The following PACRG variants were observed in gnomAD, a reference collection of about 807,000 sequenced individuals.
PACRG encodes parkin coregulated.
In PACRG, 29 loss-of-function variants were observed where a neutral mutation model predicts 29.7. That is an observed-to-expected ratio of 0.98 (90% confidence interval 0.73 to 1.33). The LOEUF (loss-of-function observed/expected upper bound fraction) is 1.33. Ranked by LOEUF, PACRG falls within the 40% of genes most tolerant of loss-of-function variation. The pLI is 0.00. For synonymous variants in PACRG, 116 were observed against 118.7 expected, an observed-to-expected ratio of 0.98 and a Z score of 0.15; for missense variants, 279 against 316.2, an observed-to-expected ratio of 0.88 and a Z score of 0.89.
intron 2 of PACRG, among the ~76,000 whole-genome samples, chr6:163,012,535 C>G (rs369816395): frequency 1.1e-4 from 17 of 152,344 alleles, no homozygotes; most frequent in African/African-American, 3.4e-4. Context: ...TGCTGCACAC[C>G]AGGGCTGCTG....
intron 2 of PACRG, among the ~76,000 whole-genome samples, chr6:163,018,317 G>A (rs549356884): frequency 6.6e-6 from 1 of 152,012 alleles, no homozygotes; most frequent in Non-Finnish European, 1.5e-5. Flanking sequence ...CTTCTTCCTA[G>A]TTTCATAAGT....
At chr6:162,905,485 C>T (rs1795868814) in intron 2 of PACRG, among the ~76,000 whole-genome samples, 1 of 152,178 alleles carries the variant, frequency 6.6e-6, no homozygotes, top group East Asian at 1.9e-4. Context: ...AAGAATCCCG[C>T]AGCTCGTCTA....
At chr6:163,098,231 T>C (rs1040917224) in intron 4 of PACRG, among the ~76,000 whole-genome samples, 1 of 152,128 alleles carries the variant, frequency 6.6e-6, no homozygotes, top group African/African-American at 2.4e-5. Flanking sequence ...AAACAGCAGC[T>C]CAGGATGGAG....
intron 4 of PACRG, among the ~76,000 whole-genome samples, chr6:163,090,020 A>G (rs1813950333): frequency 6.6e-6 from 1 of 152,160 alleles, no homozygotes; most frequent in Non-Finnish European, 1.5e-5. Context: ...TGATGAGTCT[A>G]ATTTTCTTTT....
chr6:162,987,492 A>G (rs533778134), intron 2 of PACRG, among the ~76,000 whole-genome samples: 3 of 152,200 alleles, frequency 2.0e-5, no homozygotes, highest in Admixed American at 2.0e-4. Flanking sequence ...GGTTTTTCCC[A>G]TGCTGTTCTC....
intron 4 of PACRG, among the ~76,000 whole-genome samples, chr6:163,263,617 T>C (rs1214183426): frequency 6.6e-6 from 1 of 152,228 alleles, no homozygotes; most frequent in East Asian, 1.9e-4. Context: ...TGACAATATC[T>C]GGAACCAAAG....
Position 162,942,259 on chromosome 6 carries a change from G to A in PACRG, c.292-119891G>A, listed in dbSNP as rs145889761. Reference sequence around the variant, plus strand: ...CACATACTGAATAAGACCTAGGGGAGGGAGGATTATTTTTCAGTTTGTGAA... The same window carrying A: ...CACATACTGAATAAGACCTAGGGGAAGGAGGATTATTTTTCAGTTTGTGAA... On this transcript the variant is annotated intron_variant, in intron 2 of 4. Transcript: ENST00000366888. Among the ~76,000 whole-genome samples the A allele has an allele frequency of 2.3e-3, 350 of 152,264 alleles. 2 individuals carry two copies. The highest frequency in any genetic ancestry group is 8.1e-3 in the African/African-American group (338 of 41,546).
chr6:162,809,298 A>G (rs1381216674), intron 1 of PACRG, among the ~76,000 whole-genome samples: 1 of 152,200 alleles, frequency 6.6e-6, no homozygotes, highest in Non-Finnish European at 1.5e-5. Context: ...AGATCCCAAA[A>G]AGTATAAAGT....
chr6:163,035,812 C>CAAAAAAAAAA (rs1156795173), intron 2 of PACRG, among the ~76,000 whole-genome samples: 2 of 64,258 alleles, frequency 3.1e-5, no homozygotes, highest in Non-Finnish European at 5.9e-5. Flanking sequence ...GACTCTGTCT[C>CAAAAAAAAAA]AAAAAAAAAA....
chr6:162,746,662 G>A (rs1421958046), intron 1 of PACRG, among the ~76,000 whole-genome samples: 1 of 152,210 alleles, frequency 6.6e-6, no homozygotes, highest in Non-Finnish European at 1.5e-5. Flanking sequence ...TAAATAGCCA[G>A]TGTCTTGGTC....
chr6:162,824,538 A>G (rs1788116087), intron 2 of PACRG, among the ~76,000 whole-genome samples: 1 of 152,036 alleles, frequency 6.6e-6, no homozygotes, highest in African/African-American at 2.4e-5. Flanking sequence ...CTGTATCTTC[A>G]TAGATAATTT....
At chr6:163,151,123 C>T (rs1168235046) in intron 4 of PACRG, among the ~76,000 whole-genome samples, 8 of 152,130 alleles carry the variant, frequency 5.3e-5, no homozygotes, top group Admixed American at 5.2e-4. Flanking sequence ...AACATGACTG[C>T]AATTTGATAA....
At chr6:163,137,771 A>G (rs1816995185) in intron 4 of PACRG, among the ~76,000 whole-genome samples, 1 of 152,214 alleles carries the variant, frequency 6.6e-6, no homozygotes, top group Non-Finnish European at 1.5e-5. Flanking sequence ...AGATGGAGAA[A>G]CTGCTCCGGG....
At chr6:162,987,536 T>G (rs1186575660) in intron 2 of PACRG, among the ~76,000 whole-genome samples, 1 of 152,074 alleles carries the variant, frequency 6.6e-6, no homozygotes, top group Non-Finnish European at 1.5e-5. Context: ...GATCTGATGG[T>G]TTTCTAAAGG....
chr6:162,992,433 A>G (rs1014144125), intron 2 of PACRG, among the ~76,000 whole-genome samples: 2 of 148,606 alleles, frequency 1.3e-5, no homozygotes, highest in Non-Finnish European at 3.0e-5. Flanking sequence ...TTATTGGTCT[A>G]TTCAGAGATT....
chr6:162,788,358 G>A (rs1258127186), intron 1 of PACRG, among the ~76,000 whole-genome samples: 2 of 151,988 alleles, frequency 1.3e-5, no homozygotes, highest in Non-Finnish European at 2.9e-5. Context: ...TTGTTTTTTA[G>A]TGCTGAATAA....
intron 2 of PACRG, among the ~76,000 whole-genome samples, chr6:162,847,214 A>G (rs1339267221): frequency 1.3e-5 from 2 of 152,190 alleles, no homozygotes; most frequent in Non-Finnish European, 2.9e-5. Context: ...CACTTCAGCC[A>G]TACTTTCAAC....
intron 2 of PACRG, among the ~76,000 whole-genome samples, chr6:162,981,815 G>A (rs796199377): frequency 1.4e-4 from 21 of 151,210 alleles, no homozygotes; most frequent in African/African-American, 4.8e-4. Context: ...TGTGAAAGGG[G>A]TTGAGTTCTT....
At chr6:162,731,009 G>A (rs769838133) in intron 1 of PACRG, among the ~76,000 whole-genome samples, 18 of 152,048 alleles carry the variant, frequency 1.2e-4, no homozygotes, top group Non-Finnish European at 2.5e-4. Context: ...TTAGAAAATC[G>A]ACCCAGGGTT....
Sources: allele counts gnomAD v4.1 joint callset (sites outside exome capture counted in the v4.1 genomes callset), GRCh38; gene constraint gnomAD v4.1.1; transcripts MANE v1.5; gene names NCBI Gene and HGNC (gene_info 2026-07-23, HGNC 2026-07-21).